The following PCDHGA6 variants were observed in gnomAD, a reference collection of about 807,000 sequenced individuals.
PCDHGA6 encodes the protein protocadherin gamma-A6.
A neutral mutation model predicts 60.6 loss-of-function variants in PCDHGA6; 41 were observed. The observed-to-expected ratio is 0.68, with a 90% CI of 0.53 to 0.88. The LOEUF (loss-of-function observed/expected upper bound fraction) is 0.88. Among genes scored for constraint, PCDHGA6 ranks in the 40% least tolerant of loss-of-function variants. The pLI is 0.00. For missense variants in PCDHGA6, 1,312 were observed against 1,203.0 expected (o/e 1.09, Z -1.34); for synonymous variants, 594 against 524.4 (o/e 1.13, Z -1.81).
rs749759763 is a variant in PCDHGA6 at position 141,384,376 on chromosome 5, G to A, written c.2424+7869G>A. On this transcript the variant is annotated intron_variant, in intron 1 of 3. Coordinates refer to ENST00000517434, the MANE Select transcript of PCDHGA6 (RefSeq NM_018919.3). ...TGCCCAGATCACTTATTCCTTGGCCGAAGACACCATCCAGGGGGCTCCAGT... is the reference window on the plus strand; with the variant it reads ...TGCCCAGATCACTTATTCCTTGGCCAAAGACACCATCCAGGGGGCTCCAGT... 10 of 1,613,786 alleles carry A rather than the reference G, an allele frequency of 6.2e-6. No individual in the cohort carries two copies. In the African/African-American group the frequency reaches 8.0e-5, roughly 13 times the overall value.
chr5:141,485,065 A>G lies in PCDHGA6; in HGVS notation c.2425-9742A>G, dbSNP rs527439590. On this transcript the variant is annotated intron_variant, in intron 1 of 3. Transcript: ENST00000517434. The surrounding 1 kb of genome is among the most constrained non-coding windows in gnomAD (Gnocchi z 5.7). ...TGCGGCGCCGGCCGAACCGCGCCAG[A>G]GCTGGCGCGGGGAAAGGGAGATAGG... The G allele has an allele frequency of 4.2e-5, 37 of 877,696 alleles. No individual in the cohort carries two copies. Among genetic ancestry groups the G allele is most frequent in the Non-Finnish European group, 6.5e-5 (36 of 552,826 alleles). The allele number at this position is 877,696 out of a possible 1,614,324, so 54.4% of individuals were successfully genotyped here. A position where few individuals can be genotyped will look rare whatever the true frequency, so the allele number is the denominator to read the frequency against.
chr5:141,393,766 A>G, intron 1 of PCDHGA6: 2 of 1,613,950 alleles, frequency 1.2e-6, no homozygotes. Flanking sequence ...TATGAAATGG[A>G]AATACAAGCC....
At chr5:141,401,113 G>A (rs2094114942) in intron 1 of PCDHGA6, among the ~76,000 whole-genome samples, 1 of 152,192 alleles carries the variant, frequency 6.6e-6, no homozygotes, top group Non-Finnish European at 1.5e-5. Flanking sequence ...GGAGGCCGAG[G>A]CGGTTGGATC....
chr5:141,489,220 C>G lies in PCDHGA6; in HGVS notation c.2425-5587C>G. The G allele has an allele frequency of 6.6e-7, 1 of 1,508,698 alleles. No individual in the cohort carries two copies. Among genetic ancestry groups the G allele is most frequent in the South Asian group, 1.3e-5 (1 of 75,604 alleles). The allele number at this position is 1,508,698 out of a possible 1,614,324, so 93.5% of individuals were successfully genotyped here. A position where few individuals can be genotyped will look rare whatever the true frequency, so the allele number is the denominator to read the frequency against. ...AGACAGGACAGCACAGACTTACTCT[C>G]CACAAAGGGACTTCTGGGTCATGGG... On this transcript the variant is annotated intron_variant, in intron 1 of 3. Transcript: ENST00000517434. The surrounding 1 kb of genome is among the most constrained non-coding windows in gnomAD (Gnocchi z 4.5).
chr5:141,489,971 C>A lies in PCDHGA6; in HGVS notation c.2425-4836C>A, dbSNP rs1254025468. 1 of 1,614,060 alleles carries A rather than the reference C, an allele frequency of 6.2e-7. No homozygotes were observed. The highest frequency in any genetic ancestry group is 1.3e-5 in the African/African-American group (1 of 74,944). Reference sequence around the variant, plus strand: ...AATGATAATGCTCCAACCTTCCAATCCTCAGTTCTACGTGTGGGAATCCCA... The same window carrying A: ...AATGATAATGCTCCAACCTTCCAATACTCAGTTCTACGTGTGGGAATCCCA... On this transcript the variant is annotated intron_variant, in intron 1 of 3. Transcript: ENST00000517434. The surrounding 1 kb of genome is among the most constrained non-coding windows in gnomAD (Gnocchi z 4.5).
chr5:141,376,318 G>C lies in PCDHGA6; in HGVS notation c.2235G>C (p.Gly745=), dbSNP rs373956139. 3.7e-6 allele frequency: 6 copies of C among 1,614,200 alleles called. No individual in the cohort carries two copies. Among genetic ancestry groups the C allele is most frequent in the East Asian group, 4.5e-5 (2 of 44,884 alleles). ...GCTCGCACTTTGTGGGCGTGGAAGG[G>C]GTTCGGGCTTTCCTGCAGACCTATT... ...MPGSHFVGVE[G]VRAFLQTYSH... Residue 745 remains glycine (G), a synonymous_variant, in exon 1 of 4, where the codon GGG becomes GGC. Coordinates refer to ENST00000517434, the MANE Select transcript of PCDHGA6 (RefSeq NM_018919.3).
At chr5:141,508,408 C>T (rs938019804) in intron 3 of PCDHGA6, 1 of 152,180 alleles carries the variant, frequency 6.6e-6, no homozygotes, top group Non-Finnish European at 1.5e-5. Context: ...GCTTGAGCCA[C>T]GCAGAGACTT....
chr5:141,391,875 T>C (rs2092433581), intron 1 of PCDHGA6: 2 of 152,212 alleles, frequency 1.3e-5, no homozygotes, highest in Non-Finnish European at 2.9e-5. Context: ...ATCATCTCTT[T>C]GGTGAAAGGG....
intron 1 of PCDHGA6, among the ~76,000 whole-genome samples, chr5:141,454,195 T>A (rs1295815862): frequency 1.3e-5 from 2 of 152,136 alleles, no homozygotes; most frequent in Admixed American, 1.3e-4. Flanking sequence ...TTAGTGAAGG[T>A]GAATTTATTG....
At chr5:141,505,505 G>A (rs2099846270) in intron 3 of PCDHGA6, 24 bp downstream of exon 3, 1 of 1,614,132 alleles carries the variant, frequency 6.2e-7, no homozygotes, top group Non-Finnish European at 8.5e-7. Flanking sequence ...GTGTGTGTAT[G>A]GAAGAGTGGG....
At chr5:141,469,886 T>A (rs766990419) in intron 1 of PCDHGA6, among the ~76,000 whole-genome samples, 4 of 152,208 alleles carry the variant, frequency 2.6e-5, no homozygotes, top group Non-Finnish European at 4.4e-5. Context: ...ATCTCGGCAC[T>A]TTGGGAAGCC....
Position 141,410,515 on chromosome 5 carries a change from G to A in PCDHGA6, c.2424+34008G>A, listed in dbSNP as rs373451539. The A allele has an allele frequency of 1.9e-6, 3 of 1,613,828 alleles. No homozygotes were observed. The African/African-American group carries it at 4.0e-5, about 22-fold the overall frequency. On this transcript the variant is annotated intron_variant, in intron 1 of 3. Coordinates refer to ENST00000517434, the MANE Select transcript of PCDHGA6 (RefSeq NM_018919.3). ...AGTTTAATTTCCTAAAATGCAGTGT[G>A]CCCCTACATTCCAATGAAGACATGG...
At chr5:141,438,303 T>G (rs2097949191) in intron 1 of PCDHGA6, among the ~76,000 whole-genome samples, 1 of 152,068 alleles carries the variant, frequency 6.6e-6, no homozygotes, top group African/African-American at 2.4e-5. Flanking sequence ...TAAAAGAAGT[T>G]GGTACCACCA....
chr5:141,404,080 C>G (rs369802030), intron 1 of PCDHGA6: 1 of 1,613,516 alleles, frequency 6.2e-7, no homozygotes, highest in Non-Finnish European at 8.5e-7. Flanking sequence ...ACCGAGACTC[C>G]GGGAAGAATG....
chr5:141,433,460 T>C (rs892333304), intron 1 of PCDHGA6, among the ~76,000 whole-genome samples: 1 of 152,064 alleles, frequency 6.6e-6, no homozygotes, highest in Non-Finnish European at 1.5e-5. Context: ...GATCTGAAAC[T>C]TGGGCTCAGG....
chr5:141,477,569 G>A lies in PCDHGA6; in HGVS notation c.2425-17238G>A. The A allele has an allele frequency of 6.2e-7, 1 of 1,614,104 alleles. No homozygotes were observed. Among genetic ancestry groups the A allele is most frequent in the Non-Finnish European group, 8.5e-7 (1 of 1,180,024 alleles). On this transcript the variant is annotated intron_variant, in intron 1 of 3. Coordinates refer to ENST00000517434, the MANE Select transcript of PCDHGA6 (RefSeq NM_018919.3). This position sits in a 1 kb window ranked among gnomAD's most constrained non-coding sequence, Gnocchi z 4.9. ...ACTAAACCTAAGTGTCTGGGACCCC[G>A]ACGCCCCGCAGAATGCTCGGCTTTC...
intron 1 of PCDHGA6, chr5:141,409,039 C>G: frequency 1.9e-6 from 3 of 1,614,004 alleles, no homozygotes; most frequent in Non-Finnish European, 1.7e-6. Flanking sequence ...AGATAAACTA[C>G]TACTTCCGAA....
chr5:141,393,959 T>G, intron 1 of PCDHGA6: 1 of 1,613,970 alleles, frequency 6.2e-7, no homozygotes, highest in Non-Finnish European at 8.5e-7. Flanking sequence ...ATGGTCAAGT[T>G]GTCTGTTACA....
chr5:141,487,936 G>C lies in PCDHGA6; in HGVS notation c.2425-6871G>C. On this transcript the variant is annotated intron_variant, in intron 1 of 3. Coordinates refer to ENST00000517434, the MANE Select transcript of PCDHGA6 (RefSeq NM_018919.3). This position sits in a 1 kb window ranked among gnomAD's most constrained non-coding sequence, Gnocchi z 5.0. The stretch of plus-strand genomic sequence containing the variant: ...AGGAGGCTACAGTGCACAGGGTACA[G>C]TGCACCAGGCAGTCACTTGGACAAA... 4.9e-6 allele frequency: 3 copies of C among 607,906 alleles called. No homozygotes were observed. The highest frequency in any genetic ancestry group is 3.7e-5 in the African/African-American group (2 of 54,158). 37.7% of individuals were successfully genotyped at this position (607,906 alleles called of 1,614,324 possible). A position where few individuals can be genotyped will look rare whatever the true frequency, so the allele number is the denominator to read the frequency against.
Sources: allele counts gnomAD v4.1 joint callset (sites outside exome capture counted in the v4.1 genomes callset), GRCh38; gene constraint gnomAD v4.1.1; non-coding constraint Gnocchi (gnomAD v3.1); transcripts MANE v1.5; gene names NCBI Gene and HGNC (gene_info 2026-07-23, HGNC 2026-07-21).